Variants in CNN3 observed in about 807,000 individuals in gnomAD.
CNN3 encodes calponin-3.
In CNN3, 11 loss-of-function variants were observed where a neutral mutation model predicts 39.0. The ratio of observed to expected loss-of-function variants is 0.28; its 90% CI spans 0.18 to 0.47. The LOEUF (loss-of-function observed/expected upper bound fraction) is 0.47. CNN3 is among the 20% of genes least tolerant of loss of function. The pLI is 0.99. For synonymous variants in CNN3, 101 were observed against 138.3 expected (o/e 0.73, Z 1.89); for missense variants, 266 against 403.4 (o/e 0.66, Z 2.92).
At chr1:94,921,051 C>G (rs956264383) in intron 1 of CNN3, among the ~76,000 whole-genome samples, 1 of 152,196 alleles carries the variant, frequency 6.6e-6, no homozygotes, top group Non-Finnish European at 1.5e-5. Flanking sequence ...AACTTGCCAA[C>G]AAATTCTAAG....
At chr1:94,922,009 C>G (rs1183433329) in intron 1 of CNN3, among the ~76,000 whole-genome samples, 3 of 152,124 alleles carry the variant, frequency 2.0e-5, no homozygotes, top group African/African-American at 7.2e-5. Flanking sequence ...TCTACCATTC[C>G]TAACTTGGAA....
intron 5 of CNN3, among the ~76,000 whole-genome samples, chr1:94,901,353 C>CAAAAAA (rs1214598163): frequency 2.3e-5 from 2 of 88,742 alleles, no homozygotes; most frequent in Non-Finnish European, 4.6e-5. Context: ...GACTCTGTCT[C>CAAAAAA]AAAAAAAAAA....
intron 1 of CNN3, among the ~76,000 whole-genome samples, chr1:94,904,260 C>T (rs1670941941): frequency 6.6e-6 from 1 of 152,098 alleles, no homozygotes; most frequent in African/African-American, 2.4e-5. Flanking sequence ...AACACAAATG[C>T]TATGCTATTA....
intron 1 of CNN3, among the ~76,000 whole-genome samples, chr1:94,907,516 A>T (rs1557910608): frequency 6.6e-6 from 1 of 152,256 alleles, no homozygotes; most frequent in Non-Finnish European, 1.5e-5. Flanking sequence ...ATAATTGCTT[A>T]AACTTACCTC....
chr1:94,903,840 T>C (rs1410338058), intron 1 of CNN3, among the ~76,000 whole-genome samples: 3 of 152,224 alleles, frequency 2.0e-5, no homozygotes, highest in Non-Finnish European at 4.4e-5. Flanking sequence ...TATGTTACAA[T>C]ATGGCACTCA....
chr1:94,905,552 T>G (rs1670976159), intron 1 of CNN3, among the ~76,000 whole-genome samples: 2 of 152,228 alleles, frequency 1.3e-5, no homozygotes, highest in South Asian at 4.1e-4. Context: ...TTCTTGATCC[T>G]TTGCACCCTT....
chr1:94,923,776 A>G (rs1360215792), intron 1 of CNN3, among the ~76,000 whole-genome samples: 2 of 152,214 alleles, frequency 1.3e-5, no homozygotes, highest in Non-Finnish European at 2.9e-5. Flanking sequence ...TATAATACTA[A>G]AAACTAATTT....
At chr1:94,920,965 T>C (rs1343105631) in intron 1 of CNN3, among the ~76,000 whole-genome samples, 1 of 152,184 alleles carries the variant, frequency 6.6e-6, no homozygotes, top group Non-Finnish European at 1.5e-5. Context: ...ATTTGGGCTA[T>C]AAAATAAGTT....
intron 1 of CNN3, among the ~76,000 whole-genome samples, chr1:94,909,813 G>A (rs1190896816): frequency 6.6e-6 from 1 of 152,024 alleles, no homozygotes; most frequent in Non-Finnish European, 1.5e-5. Context: ...TTCCTGCGCT[G>A]TTGAATGGTA....
At chr1:94,903,230 CAA>C (rs1267659378) in intron 2 of CNN3, 42 bp from the exon 3 acceptor site, 1 of 1,595,804 alleles carries the variant, frequency 6.3e-7, no homozygotes, top group East Asian at 2.2e-5. Flanking sequence ...TACTGGCACA[CAA>C]AAACAAGGAT....
At chr1:94,917,570 T>C (rs1671319549) in intron 1 of CNN3, among the ~76,000 whole-genome samples, 1 of 152,190 alleles carries the variant, frequency 6.6e-6, no homozygotes, top group South Asian at 2.1e-4. Flanking sequence ...CTAATTTTTT[T>C]GGAGAGCAAT....
chr1:94,918,912 A>G (rs571914691), intron 1 of CNN3, among the ~76,000 whole-genome samples: 40 of 151,290 alleles, frequency 2.6e-4, no homozygotes, highest in Admixed American at 1.4e-3. Context: ...AAAAAAGTTC[A>G]TAAGATATTT....
At chr1:94,916,458 T>C (rs1671281723) in intron 1 of CNN3, among the ~76,000 whole-genome samples, 1 of 152,138 alleles carries the variant, frequency 6.6e-6, no homozygotes, top group African/African-American at 2.4e-5. Flanking sequence ...AGGTCATCAG[T>C]GACTTCTCAG....
chr1:94,898,446 C>A (rs1242235694), intron 6 of CNN3, among the ~76,000 whole-genome samples: 1 of 152,194 alleles, frequency 6.6e-6, no homozygotes, highest in Non-Finnish European at 1.5e-5. Flanking sequence ...CATAATGCTT[C>A]CACACCAGAA....
chr1:94,925,854 C>G, intron 1 of CNN3: 1 of 982,266 alleles, frequency 1.0e-6, no homozygotes, highest in Non-Finnish European at 1.2e-6. Flanking sequence ...GTGCACAGTT[C>G]CGCGCCGATT....
intron 1 of CNN3, among the ~76,000 whole-genome samples, chr1:94,914,553 T>C (rs116637057): frequency 0.03 from 4,575 of 152,276 alleles, 110 homozygotes; most frequent in South Asian, 0.05. Flanking sequence ...AAGGTTATTA[T>C]TGGGACAAGG....
intron 1 of CNN3, among the ~76,000 whole-genome samples, chr1:94,920,499 A>C (rs1671415450): frequency 6.6e-6 from 1 of 152,200 alleles, no homozygotes; most frequent in Admixed American, 6.5e-5. Flanking sequence ...CCATGGCTAA[A>C]ATTTATATAA....
chr1:94,913,467 A>T (rs1671214431), intron 1 of CNN3, among the ~76,000 whole-genome samples: 1 of 152,190 alleles, frequency 6.6e-6, no homozygotes, highest in Non-Finnish European at 1.5e-5. Flanking sequence ...AGGAGGAGCT[A>T]AAGCTTTGTA....
intron 1 of CNN3, among the ~76,000 whole-genome samples, chr1:94,912,078 T>A (rs188213665): frequency 3.6e-4 from 54 of 151,364 alleles, no homozygotes; most frequent in Admixed American, 1.2e-3. Context: ...AAAAAAAAAA[T>A]TTTATATATA....
Sources: allele counts gnomAD v4.1 joint callset (sites outside exome capture counted in the v4.1 genomes callset), GRCh38; gene constraint gnomAD v4.1.1; transcripts MANE v1.5; gene names NCBI Gene and HGNC (gene_info 2026-07-23, HGNC 2026-07-21).